CNTN5: variants seen among roughly 807,000 people sequenced by gnomAD.
CNTN5 encodes the protein contactin 5, also known as contactin-5.
CNTN5 carries 77 observed loss-of-function variants against 129.1 expected under a neutral mutation model. The ratio of observed to expected loss-of-function variants is 0.60; its 90% CI spans 0.50 to 0.72. CNTN5 has a LOEUF of 0.72. Among genes scored for constraint, CNTN5 ranks in the 30% least tolerant of loss-of-function variants. CNTN5 has a pLI of 0.00. For synonymous variants in CNTN5, 509 were observed against 465.6 expected (o/e 1.09, Z -1.20); for missense variants, 1,478 against 1,328.8 (o/e 1.11, Z -1.75).
At chr11:99,980,783 T>G (rs1046913524) in intron 8 of CNTN5, among the ~76,000 whole-genome samples, 1 of 152,048 alleles carries the variant, frequency 6.6e-6, no homozygotes, top group Non-Finnish European at 1.5e-5. Context: ...TTTAGTCCTC[T>G]TATTATATAT....
At chr11:99,945,670 G>T (rs1217822716) in intron 7 of CNTN5, among the ~76,000 whole-genome samples, 1 of 151,802 alleles carries the variant, frequency 6.6e-6, no homozygotes, top group Non-Finnish European at 1.5e-5. Context: ...AACTGAAGAG[G>T]CCCTATAAAC....
At chr11:99,461,286 G>A (rs746576381) in intron 2 of CNTN5, among the ~76,000 whole-genome samples, 71 of 152,202 alleles carry the variant, frequency 4.7e-4, no homozygotes, top group Non-Finnish European at 9.6e-4. Context: ...ATGTGCTACT[G>A]ACATTTTGGC....
chr11:100,217,565 T>A (rs911761270), intron 15 of CNTN5, among the ~76,000 whole-genome samples: 11 of 152,178 alleles, frequency 7.2e-5, no homozygotes, highest in African/African-American at 2.4e-4. Flanking sequence ...AATGTACAAT[T>A]TTTTTCTGAC....
chr11:99,826,517 A>C (rs1021686902), intron 4 of CNTN5, among the ~76,000 whole-genome samples: 1 of 152,212 alleles, frequency 6.6e-6, no homozygotes, highest in Admixed American at 6.5e-5. Flanking sequence ...GTAACATAGA[A>C]TAGAGGCATC....
intron 6 of CNTN5, among the ~76,000 whole-genome samples, chr11:99,891,381 G>A (rs1949054420): frequency 6.6e-6 from 1 of 151,972 alleles, no homozygotes; most frequent in African/African-American, 2.4e-5. Flanking sequence ...TTCAGAACGT[G>A]CAGATTTGTT....
intron 22 of CNTN5, among the ~76,000 whole-genome samples, 171 bp from the exon 23 acceptor site, chr11:100,340,922 T>C (rs1206724480): frequency 2.0e-5 from 3 of 152,148 alleles, no homozygotes; most frequent in Non-Finnish European, 2.9e-5. Flanking sequence ...GAGTAGCTAT[T>C]AAAATGACAC....
intron 1 of CNTN5, among the ~76,000 whole-genome samples, chr11:99,038,639 A>G (rs1170534392): frequency 6.6e-6 from 1 of 152,108 alleles, no homozygotes; most frequent in Non-Finnish European, 1.5e-5. Flanking sequence ...CAGTAGACCA[A>G]CGCTTCTTTT....
At chr11:99,350,561 G>A (rs929739477) in intron 2 of CNTN5, among the ~76,000 whole-genome samples, 15 of 152,082 alleles carry the variant, frequency 9.9e-5, no homozygotes, top group African/African-American at 3.6e-4. Flanking sequence ...GAGTCCTGCT[G>A]TCTGTTAAAG....
intron 3 of CNTN5, among the ~76,000 whole-genome samples, chr11:99,673,700 G>T (rs1953147133): frequency 6.6e-6 from 1 of 151,702 alleles, no homozygotes; most frequent in Non-Finnish European, 1.5e-5. Context: ...TGCCATATTT[G>T]GTTTTCTCTT....
chr11:100,267,621 G>A lies in CNTN5; in HGVS notation c.2165-3471G>A, dbSNP rs147763019. On this transcript the variant is annotated intron_variant, in intron 17 of 24. Coordinates refer to ENST00000524871, the MANE Select transcript of CNTN5 (RefSeq NM_014361.4). ...AGGAGCAACTAGAGCAAAAGTATTA[G>A]GAACATGATATGCAAGAGCATTAGA... Among the ~76,000 whole-genome samples the A allele has an allele frequency of 6.8e-3, 1,042 of 152,160 alleles. 8 individuals are homozygous for A. The highest frequency in any genetic ancestry group is 9.1e-3 in the Non-Finnish European group (619 of 67,982).
At chr11:99,947,911 T>C (rs1950588314) in intron 7 of CNTN5, among the ~76,000 whole-genome samples, 1 of 152,240 alleles carries the variant, frequency 6.6e-6, no homozygotes, top group African/African-American at 2.4e-5. Flanking sequence ...ACCTGCCTTA[T>C]GAATTTTCTT....
chr11:100,327,905 A>G (rs553032518), intron 21 of CNTN5, among the ~76,000 whole-genome samples: 14 of 152,206 alleles, frequency 9.2e-5, no homozygotes, highest in Non-Finnish European at 1.9e-4. Flanking sequence ...TGCAAAAATC[A>G]AAAAGATTTT....
chr11:100,163,353 AC>A (rs919021012), intron 13 of CNTN5, among the ~76,000 whole-genome samples: 8 of 151,742 alleles, frequency 5.3e-5, no homozygotes, highest in Admixed American at 3.3e-4. Context: ...ACATTATGCC[AC>A]TCAGTACAGA....
chr11:99,096,442 C>T (rs983409668), intron 1 of CNTN5, among the ~76,000 whole-genome samples: 6 of 151,688 alleles, frequency 4.0e-5, no homozygotes, highest in African/African-American at 1.5e-4. Context: ...GAAGAACAGT[C>T]GCCTAATTGT....
rs943291788 is a variant in CNTN5, at chr11:100,358,252, A to G, written c.*2032A>G. The G allele has an allele frequency of 6.6e-6, 1 of 151,924 alleles. No individual in the cohort carries two copies. Among genetic ancestry groups the G allele is most frequent in the African/African-American group, 2.4e-5 (1 of 41,448 alleles). The allele number at this position is 151,924 out of a possible 1,614,324, so 9.4% of individuals were successfully genotyped here. ...GACTTTAAGAATCAACTTCTTACTT[A>G]CACTCTCAGAAAGCAAAGCCCAGTA... On this transcript the variant is annotated 3_prime_UTR_variant, in exon 25 of 25. Transcript: ENST00000524871.
chr11:99,354,354 T>C (rs1318822349), intron 2 of CNTN5, among the ~76,000 whole-genome samples: 3 of 152,260 alleles, frequency 2.0e-5, no homozygotes, highest in East Asian at 1.9e-4. Flanking sequence ...TTCAGTGTAG[T>C]TGGTCATCAA....
chr11:99,075,269 T>G (rs1424788167), intron 1 of CNTN5, among the ~76,000 whole-genome samples: 1 of 152,202 alleles, frequency 6.6e-6, no homozygotes, highest in Non-Finnish European at 1.5e-5. Flanking sequence ...TTTATTTTTC[T>G]GATGTATGGG....
At chr11:99,902,415 C>A (rs1174782181) in intron 6 of CNTN5, among the ~76,000 whole-genome samples, 3 of 152,176 alleles carry the variant, frequency 2.0e-5, no homozygotes, top group East Asian at 1.9e-4. Flanking sequence ...ATCTGCCTAA[C>A]CTTGAACTAG....
intron 13 of CNTN5, among the ~76,000 whole-genome samples, chr11:100,100,672 A>G (rs1244525069): frequency 6.6e-6 from 1 of 152,092 alleles, no homozygotes; most frequent in Non-Finnish European, 1.5e-5. Context: ...TCAGAGGAAA[A>G]TGTTATAAAA....
Sources: gnomAD v4.1 joint callset for allele counts (sites outside exome capture counted in the v4.1 genomes callset) on GRCh38, gnomAD v4.1.1 for gene constraint, MANE v1.5 for transcripts, NCBI Gene and HGNC (gene_info 2026-07-23, HGNC 2026-07-21) for gene names.